Variants in LRCH1 observed in about 807,000 individuals in gnomAD.
LRCH1 encodes the protein leucine rich repeats and calponin homology domain containing 1.
In LRCH1, 23 loss-of-function variants were observed where a neutral mutation model predicts 94.9. That is an observed-to-expected ratio of 0.24 (90% CI 0.17 to 0.34). LRCH1 has a LOEUF of 0.34. Among genes scored for constraint, LRCH1 ranks in the 10% least tolerant of loss-of-function variants. LRCH1 has a pLI of 1.00. For missense variants in LRCH1, 790 were observed against 945.9 expected (o/e 0.84, Z 2.16); for synonymous variants, 364 against 354.9 (o/e 1.03, Z -0.29).
intron 1 of LRCH1, among the ~76,000 whole-genome samples, chr13:46,613,566 C>T (rs1219532157): frequency 5.3e-5 from 8 of 152,044 alleles, no homozygotes; most frequent in African/African-American, 1.9e-4. Flanking sequence ...AGGCCCAAAG[C>T]GTGATTGGCT....
intron 1 of LRCH1, among the ~76,000 whole-genome samples, chr13:46,568,968 A>T (rs1228261841): frequency 6.6e-6 from 1 of 152,224 alleles, no homozygotes; most frequent in South Asian, 2.1e-4. Context: ...CTGACTGACA[A>T]GCTGTTTTAA....
intron 1 of LRCH1, among the ~76,000 whole-genome samples, chr13:46,560,188 T>G (rs1465571001): frequency 7.5e-6 from 1 of 133,828 alleles, no homozygotes; most frequent in East Asian, 2.3e-4. Context: ...TTACTTGCTC[T>G]TAATGTCTCC....
At chr13:46,711,144 A>G (rs1220680650) in intron 13 of LRCH1, among the ~76,000 whole-genome samples, 1 of 152,138 alleles carries the variant, frequency 6.6e-6, no homozygotes, top group Non-Finnish European at 1.5e-5. Context: ...GATACTATCA[A>G]CTTCTTCTTA....
chr13:46,559,987 T>C (rs1366381720), intron 1 of LRCH1, among the ~76,000 whole-genome samples: 3 of 152,162 alleles, frequency 2.0e-5, no homozygotes, highest in Non-Finnish European at 4.4e-5. Flanking sequence ...GAAATCCATG[T>C]TGACGTCGAT....
intron 1 of LRCH1, among the ~76,000 whole-genome samples, chr13:46,622,188 G>GTT (rs35066689): frequency 1.2e-5 from 1 of 82,806 alleles, no homozygotes; most frequent in Non-Finnish European, 2.3e-5. Flanking sequence ...ATTTCTATGG[G>GTT]TTTTTTTTTT....
intron 18 of LRCH1, among the ~76,000 whole-genome samples, chr13:46,733,576 T>C (rs1191287042): frequency 2.6e-5 from 4 of 152,158 alleles, no homozygotes; most frequent in African/African-American, 9.7e-5. Context: ...TACGTGTGTA[T>C]ACATATATAC....
Position 46,553,294 on chromosome 13 carries a change from G to A in LRCH1, c.-103G>A. On this transcript the variant is annotated 5_prime_UTR_variant, in exon 1 of 20. Transcript: ENST00000389797. ...TCCCCTCCTTCCAGCGCCTTTCGGT[G>A]GAGCACTGCGGCACTCAGCCCGAGC... 3.3e-6 allele frequency: 3 copies of A among 914,568 alleles called. No individual in the cohort carries two copies. Among genetic ancestry groups the A allele is most frequent in the Non-Finnish European group, 4.9e-6 (3 of 617,374 alleles). The allele number at this position is 914,568 out of a possible 1,614,324, so 56.7% of individuals were successfully genotyped here.
At chr13:46,652,068 T>G (rs1205933834) in intron 2 of LRCH1, among the ~76,000 whole-genome samples, 8 of 135,018 alleles carry the variant, frequency 5.9e-5, no homozygotes, top group Non-Finnish European at 1.1e-4. Context: ...TTTTTTTTTT[T>G]TTTTTTTGTT....
chr13:46,718,164 C>T (rs1373185852), intron 16 of LRCH1, among the ~76,000 whole-genome samples: 1 of 152,104 alleles, frequency 6.6e-6, no homozygotes, highest in East Asian at 1.9e-4. Context: ...GTCATTTTTG[C>T]TCTTTCATTT....
chr13:46,676,686 CAA>C (rs1360166573), intron 3 of LRCH1, among the ~76,000 whole-genome samples: 1 of 152,198 alleles, frequency 6.6e-6, no homozygotes, highest in African/African-American at 2.4e-5. Context: ...GTCACGTGTA[CAA>C]ATACTACCTG....
chr13:46,632,254 T>TACAGG (rs1484202994), intron 1 of LRCH1, among the ~76,000 whole-genome samples: 2 of 151,996 alleles, frequency 1.3e-5, no homozygotes, highest in African/African-American at 4.8e-5. Flanking sequence ...ACTTGATGTG[T>TACAGG]ACAGGACAAA....
chr13:46,574,933 G>T (rs1413138861), intron 1 of LRCH1, among the ~76,000 whole-genome samples: 1 of 150,588 alleles, frequency 6.6e-6, no homozygotes, highest in Non-Finnish European at 1.5e-5. Flanking sequence ...TTTGGCAGTG[G>T]TAATAATAAA....
intron 1 of LRCH1, among the ~76,000 whole-genome samples, chr13:46,603,002 A>ACATACATACATACATG (rs1321613537): frequency 1.3e-4 from 20 of 151,752 alleles, no homozygotes; most frequent in African/African-American, 4.8e-4. Context: ...ATACATACAT[A>ACATACATACATACATG]CATGTAAATA....
chr13:46,558,838 T>G lies in LRCH1; in HGVS notation c.307+5135T>G, dbSNP rs117964814. On this transcript the variant is annotated intron_variant, in intron 1 of 19. Coordinates refer to ENST00000389797, the MANE Select transcript of LRCH1 (RefSeq NM_001164211.2). ...TTCTGGTCATATTCTTCTACCCAAC[T>G]CCTGCCTTATAATGGAGTAAAGGCT... is the stretch of plus-strand genomic sequence containing the variant. Among the ~76,000 whole-genome samples the G allele has an allele frequency of 6.8e-3, 1,043 of 152,264 alleles. 6 individuals carry two copies. The highest frequency in any genetic ancestry group is 0.011 in the Admixed American group (165 of 15,294).
At chr13:46,682,298 C>T (rs1870359543) in intron 4 of LRCH1, among the ~76,000 whole-genome samples, 1 of 152,106 alleles carries the variant, frequency 6.6e-6, no homozygotes. Flanking sequence ...CATCTCCCCT[C>T]TGCACATGTC....
intron 13 of LRCH1, among the ~76,000 whole-genome samples, chr13:46,709,032 C>T (rs1327770324): frequency 6.6e-6 from 1 of 152,162 alleles, no homozygotes; most frequent in Non-Finnish European, 1.5e-5. Context: ...CAGTGTACTG[C>T]TTATTTGATG....
At chr13:46,596,542 TA>T (rs1398549641) in intron 1 of LRCH1, among the ~76,000 whole-genome samples, 1 of 152,252 alleles carries the variant, frequency 6.6e-6, no homozygotes, top group Admixed American at 6.5e-5. Flanking sequence ...TATCTTAGCA[TA>T]TATCTGGAAA....
chr13:46,744,176 C>G lies in LRCH1; in HGVS notation c.*2328C>G. On this transcript the variant is annotated 3_prime_UTR_variant, in exon 20 of 20. Transcript: ENST00000389797. ...TATGCTAACTGGATGCCTGCGGATG[C>G]CTGCCCTTGCAGCTTGACTGGGGAT... is the stretch of plus-strand genomic sequence containing the variant. 1.0e-6 allele frequency: 1 copy of G among 985,350 alleles called. No homozygotes were observed. The highest frequency in any genetic ancestry group is 1.2e-6 in the Non-Finnish European group (1 of 829,926). 61.0% of individuals were successfully genotyped at this position (985,350 alleles called of 1,614,324 possible). A position where few individuals can be genotyped will look rare whatever the true frequency, so the allele number is the denominator to read the frequency against.
chr13:46,742,365 T>C lies in LRCH1; in HGVS notation c.*517T>C. 1 of 994,006 alleles carries C rather than the reference T, an allele frequency of 1.0e-6. No homozygotes were observed. Among genetic ancestry groups the C allele is most frequent in the South Asian group, 4.5e-5 (1 of 22,122 alleles). The allele number at this position is 994,006 out of a possible 1,614,324, so 61.6% of individuals were successfully genotyped here. On this transcript the variant is annotated 3_prime_UTR_variant, in exon 20 of 20. Transcript: ENST00000389797. ...CTTGATCTATACAAAACTTTAATAA[T>C]ACCACTACTGACCAAGTTGGACGTG...
Sources: gnomAD v4.1 joint callset for allele counts (sites outside exome capture counted in the v4.1 genomes callset) on GRCh38, gnomAD v4.1.1 for gene constraint, MANE v1.5 for transcripts, NCBI Gene and HGNC (gene_info 2026-07-23, HGNC 2026-07-21) for gene names.